FAT1: variants seen among roughly 807,000 people sequenced by gnomAD.
FAT1 encodes FAT atypical cadherin 1, also known as protocadherin Fat 1.
FAT1 carries 171 observed loss-of-function variants against 329.8 expected under a neutral mutation model. The ratio of observed to expected loss-of-function variants is 0.52; its 90% CI spans 0.46 to 0.59. The LOEUF (loss-of-function observed/expected upper bound fraction) is 0.59. Ranked by LOEUF, FAT1 falls within the 20% of genes least tolerant of loss-of-function variation. FAT1 has a pLI of 0.00. For synonymous variants in FAT1, 2,233 were observed against 2,228.6 expected (o/e 1.00, Z -0.06); for missense variants, 5,672 against 5,774.4 (o/e 0.98, Z 0.57).
chr4:186,677,121 G>A (rs1205860268), intron 2 of FAT1, among the ~76,000 whole-genome samples: 1 of 151,968 alleles, frequency 6.6e-6, no homozygotes, highest in Non-Finnish European at 1.5e-5. Context: ...CAATTACAAA[G>A]CAGTTCTTAA....
intron 2 of FAT1, among the ~76,000 whole-genome samples, chr4:186,671,378 C>A (rs1021205271): frequency 8.5e-5 from 13 of 152,048 alleles, no homozygotes; most frequent in African/African-American, 2.9e-4. Flanking sequence ...ATATAAAAAG[C>A]AAAATTTCTG....
intron 2 of FAT1, among the ~76,000 whole-genome samples, chr4:186,699,458 G>T (rs1351099887): frequency 1.3e-5 from 2 of 152,166 alleles, no homozygotes; most frequent in Non-Finnish European, 2.9e-5. Context: ...AACTGGCAAG[G>T]CAAGTTAATT....
At position 186,620,629 on chromosome 4, in the gene FAT1, G is replaced by A. The variant is rs896060735; in HGVS notation, c.5957C>T (p.Ala1986Val). 10 of 1,613,944 alleles carry A rather than the reference G, an allele frequency of 6.2e-6. No individual in the cohort carries two copies. The highest frequency in any genetic ancestry group is 3.3e-4 in the Middle Eastern group (2 of 6,062). ...HLKFTQDVYSAVVKENSTEAE... is the reference protein window; with the variant it reads ...HLKFTQDVYSVVVKENSTEAE... ...CTCGGTGGAATTCTCTTTCACTACC[G>A]CAGAGTAGACATCCTGGGTAAACTT... Residue 1986 changes from alanine (A) to valine (V), a missense_variant, in exon 10 of 27, where the codon GCG becomes GTG. This residue lies in a region of FAT1 where 3,966 missense variants were observed against 3,915.2 expected (regional missense o/e 1.01). Transcript: ENST00000441802.
intron 2 of FAT1, among the ~76,000 whole-genome samples, chr4:186,697,888 A>G (rs1002159236): frequency 1.3e-5 from 2 of 152,218 alleles, no homozygotes; most frequent in African/African-American, 4.8e-5. Context: ...CGGTCAGTGC[A>G]TGAACACAGG....
intron 17 of FAT1, among the ~76,000 whole-genome samples, chr4:186,605,178 T>G (rs1490689656): frequency 7.2e-6 from 1 of 139,654 alleles, no homozygotes; most frequent in East Asian, 2.1e-4. Context: ...ATCGTGCCAT[T>G]GCACTCTAGC....
chr4:186,704,317 G>T (rs1461645358), intron 2 of FAT1, among the ~76,000 whole-genome samples: 2 of 152,034 alleles, frequency 1.3e-5, no homozygotes, highest in East Asian at 1.9e-4. Flanking sequence ...AATCTATTTT[G>T]GGACACCACC....
At chr4:186,614,516 C>T (rs1739612707) in intron 11 of FAT1, among the ~76,000 whole-genome samples, 172 bp from the exon 12 acceptor site, 2 of 152,202 alleles carry the variant, frequency 1.3e-5, no homozygotes, top group South Asian at 4.1e-4. Flanking sequence ...ACATAAAACA[C>T]ATGTGAAACA....
At chr4:186,611,335 TA>T (rs2126465837) in intron 14 of FAT1, 50 bp downstream of exon 14, 1 of 1,522,520 alleles carries the variant, frequency 6.6e-7, no homozygotes. Flanking sequence ...TAAGCAAATC[TA>T]GTTTTCTTGG....
chr4:186,644,423 C>A (rs1741261292), intron 3 of FAT1, among the ~76,000 whole-genome samples: 1 of 152,188 alleles, frequency 6.6e-6, no homozygotes. Context: ...AGAAATTTTT[C>A]TTTCCTTGGT....
At chr4:186,725,424 A>G (rs4862727), upstream of FAT1, among the ~76,000 whole-genome samples, 7,821 of 152,112 alleles carry the variant, frequency 0.051, 204 homozygotes, top group Middle Eastern at 0.083. This position sits in a 1 kb window ranked among gnomAD's most constrained non-coding sequence, Gnocchi z 5.4. Context: ...ATGGCACAAG[A>G]GAATTCCTGG....
intron 26 of FAT1, among the ~76,000 whole-genome samples, chr4:186,590,920 CTG>C (rs568309199): frequency 2.0e-4 from 30 of 152,336 alleles, no homozygotes; most frequent in Admixed American, 9.1e-4. Context: ...TCTCTCCAAA[CTG>C]TATGTATTTT....
chr4:186,621,100 A>G lies in FAT1; in HGVS notation c.5486T>C (p.Ile1829Thr), dbSNP rs1387450010. 6.2e-7 allele frequency: 1 copy of G among 1,613,648 alleles called. No individual in the cohort carries two copies. The highest frequency in any genetic ancestry group is 2.2e-5 in the East Asian group (1 of 44,902). ...YFAIDSSTGA[I>T]HTVLSLDYEE... The stretch of plus-strand genomic sequence containing the variant: ...ATAGTCCAGACTTAGTACTGTATGA[A>G]TAGCACCAGTGCTAGAATCAATAGC... The change falls in exon 10 of 27, where the codon ATT becomes ACT. Residue 1829 changes from isoleucine to threonine, a missense_variant. Ile to Thr is a moderately conservative substitution (Grantham distance 89). This residue lies in a region of FAT1 where 3,966 missense variants were observed against 3,915.2 expected (regional missense o/e 1.01). Transcript: ENST00000441802.
At chr4:186,625,629 C>T (rs1488787476) in intron 9 of FAT1, among the ~76,000 whole-genome samples, 1 of 152,230 alleles carries the variant, frequency 6.6e-6, no homozygotes, top group Admixed American at 6.5e-5. Context: ...TATTTTAATT[C>T]TCTAAACTCA....
At position 186,708,960 on chromosome 4, in the gene FAT1, C is replaced by G. The variant is rs1561011141; in HGVS notation, c.868G>C (p.Ala290Pro). 2 of 1,614,036 alleles carry G rather than the reference C, an allele frequency of 1.2e-6. No individual in the cohort carries two copies. Among genetic ancestry groups the G allele is most frequent in the East Asian group, 2.2e-5 (1 of 44,892 alleles). Residue 290 changes from alanine (A) to proline (P), a missense_variant, in exon 2 of 27, where the codon GCA becomes CCA. Ala to Pro is a conservative substitution (Grantham distance 27, BLOSUM62 -1). Around this residue, in one of 2 missense-constraint regions of FAT1, gnomAD observed 3,966 missense variants for 3,915.2 expected, o/e 1.01. Transcript: ENST00000441802. ...TCACCTGCCACGATGCTTAAAGATGCTATGTCACCATTGGCACCCTGATCG... is the reference window on the plus strand; with the variant it reads ...TCACCTGCCACGATGCTTAAAGATGGTATGTCACCATTGGCACCCTGATCG... ...DCDQGANGDI[A>P]SLSIVAGDLL...
At chr4:186,694,717 T>G (rs2126665446) in intron 2 of FAT1, among the ~76,000 whole-genome samples, 1 of 152,282 alleles carries the variant, frequency 6.6e-6, no homozygotes, top group East Asian at 1.9e-4. Context: ...AATCCCAGCA[T>G]TTCAGGAGGC....
chr4:186,707,519 T>C lies in FAT1; in HGVS notation c.2309A>G (p.Glu770Gly). The C allele has an allele frequency of 6.2e-7, 1 of 1,614,016 alleles. No individual in the cohort carries two copies. The highest frequency in any genetic ancestry group is 8.5e-7 in the Non-Finnish European group (1 of 1,179,886). The change falls in exon 2 of 27, where the codon GAA (glutamate) becomes GGA (glycine). Residue 770 changes from glutamate to glycine, a missense_variant. Transcript: ENST00000441802. The part of the protein sequence containing the change: ...NEDSCFMIDM[E>G]TGMLKILSPL... ...AGATAAAATTTTCAGCATTCCTGTT[T>C]CCATATCAATCATGAAGCAACTATC...
At chr4:186,613,833 T>G (rs558842093) in intron 12 of FAT1, among the ~76,000 whole-genome samples, 1 of 152,276 alleles carries the variant, frequency 6.6e-6, no homozygotes, top group African/African-American at 2.4e-5. Flanking sequence ...AGTTATAAAT[T>G]TATGGTCACC....
rs2126682179 is a variant in FAT1 at position 186,706,634 on chromosome 4, C to G, written c.3194G>C (p.Arg1065Thr). 6.2e-7 allele frequency: 1 copy of G among 1,613,998 alleles called. No individual in the cohort carries two copies. The highest frequency in any genetic ancestry group is 8.5e-7 in the Non-Finnish European group (1 of 1,179,892). ...TVSAHDEDAR[R>T]DGEIRYSIRD... ...AATGGAGTATCGGATCTCCCCATCT[C>G]TTCTGGCGTCCTCATCATGAGCCGA... The change falls in exon 2 of 27, where the codon AGA (arginine) becomes ACA (threonine). Residue 1065 changes from arginine to threonine, a missense_variant. Arg to Thr is a moderately conservative substitution (Grantham distance 71). This residue lies in a region of FAT1 where 3,966 missense variants were observed against 3,915.2 expected (regional missense o/e 1.01). Transcript: ENST00000441802.
intron 3 of FAT1, among the ~76,000 whole-genome samples, chr4:186,658,560 G>T (rs760350459): frequency 2.0e-5 from 3 of 152,134 alleles, no homozygotes; most frequent in Non-Finnish European, 2.9e-5. Context: ...GACTCAAAAA[G>T]AGGTCACTTT....
Sources: allele counts gnomAD v4.1 joint callset (sites outside exome capture counted in the v4.1 genomes callset), GRCh38; gene constraint gnomAD v4.1.1; regional missense constraint gnomAD v4.1.1; non-coding constraint Gnocchi (gnomAD v3.1); transcripts MANE v1.5; gene names NCBI Gene and HGNC (gene_info 2026-07-23, HGNC 2026-07-21).